GSDME: variants seen among roughly 807,000 people sequenced by gnomAD.
GSDME encodes the protein gasdermin E.
GSDME carries 44 observed loss-of-function variants against 47.5 expected under a neutral mutation model. The observed-to-expected ratio is 0.93, with a 90% confidence interval of 0.73 to 1.19. The LOEUF (loss-of-function observed/expected upper bound fraction) is 1.19, where lower values mean the gene tolerates loss of function less well. Among genes scored for constraint, GSDME ranks in the 50% most tolerant of loss-of-function variants. The pLI is 0.00. For synonymous variants in GSDME, 258 were observed against 252.8 expected, an observed-to-expected ratio of 1.02 and a Z score of -0.20; for missense variants, 663 against 604.2, an observed-to-expected ratio of 1.10 and a Z score of -1.02.
chr7:24,767,277 T>C, the GSDME span, among the ~76,000 whole-genome samples: 1 of 152,112 alleles, frequency 6.6e-6, no homozygotes, highest in East Asian at 1.9e-4. This position sits in a 1 kb window ranked among gnomAD's most constrained non-coding sequence, Gnocchi z 5.3. Flanking sequence ...TGAGCCAAGA[T>C]TGCACCACTG....
At chr7:24,785,475 G>C in the GSDME span, among the ~76,000 whole-genome samples, 1 of 151,694 alleles carries the variant, frequency 6.6e-6, no homozygotes, top group Non-Finnish European at 1.5e-5. Flanking sequence ...TTGTTTTTTT[G>C]AGATGGAGTC....
the GSDME span, among the ~76,000 whole-genome samples, chr7:24,779,498 G>GT: frequency 7.0e-6 from 1 of 143,050 alleles, no homozygotes; most frequent in African/African-American, 2.7e-5. This position sits in a 1 kb window ranked among gnomAD's most constrained non-coding sequence, Gnocchi z 6.0. Flanking sequence ...AGTGATACAT[G>GT]GTGTGTGTGT....
At chr7:24,711,581 G>A (rs928159110) in intron 5 of GSDME, among the ~76,000 whole-genome samples, 3 of 152,066 alleles carry the variant, frequency 2.0e-5, no homozygotes, top group Non-Finnish European at 4.4e-5. Context: ...AACACTTCGG[G>A]AGGCTGAGGC....
chr7:24,744,299 CAT>C lies in GSDME; in HGVS notation c.404+261_404+262del. The C allele has an allele frequency of 2.0e-6, 1 of 506,936 alleles. No individual in the cohort carries two copies. Among genetic ancestry groups the C allele is most frequent in the Non-Finnish European group, 3.6e-6 (1 of 280,098 alleles). 31.4% of individuals were successfully genotyped at this position (506,936 alleles called of 1,614,324 possible). On this transcript the variant is annotated intron_variant, in intron 3 of 9. Transcript: ENST00000645220. This position sits in a 1 kb window ranked among gnomAD's most constrained non-coding sequence, Gnocchi z 4.5. ...TTTTTACCGTTCGCATTTTATAAATCATGTGATTGAAGGAAGTACATATTTGC... is the reference window on the plus strand; with the variant it reads ...TTTTTACCGTTCGCATTTTATAAATCGTGATTGAAGGAAGTACATATTTGC...
At chr7:24,792,908 A>G in the GSDME span, among the ~76,000 whole-genome samples, 1 of 152,176 alleles carries the variant, frequency 6.6e-6, no homozygotes, top group African/African-American at 2.4e-5. Flanking sequence ...TTTTGAGGGA[A>G]AGGAAAGTGG....
In GSDME at chr7:24,726,805, C is replaced by CA. The variant is rs11358953; in HGVS notation, c.405-7588dup. Among the ~76,000 whole-genome samples, 2,579 of 96,688 alleles carry CA rather than the reference C, an allele frequency of 0.027. 74 individuals carry two copies. The highest frequency in any genetic ancestry group is 0.071 in the African/African-American group (2,040 of 28,696). The allele number at this position is 96,688 out of a possible 152,430, so 63.4% of individuals were successfully genotyped here. Reference sequence around the variant, plus strand: ...CGGGGGACAGAGCGAGACTCCGTCTCAAAAAAAAAAAAAAAAAACCAATGG... The same window carrying CA: ...CGGGGGACAGAGCGAGACTCCGTCTCAAAAAAAAAAAAAAAAAAACCAATGG... On this transcript the variant is annotated intron_variant, in intron 3 of 9. Coordinates refer to ENST00000645220, the MANE Select transcript of GSDME (RefSeq NM_001127453.2). The surrounding 1 kb of genome is among the most constrained non-coding windows in gnomAD (Gnocchi z 5.6).
intron 1 of GSDME, 75 bp from the exon 2 acceptor site, chr7:24,749,868 T>A: frequency 3.2e-6 from 3 of 924,456 alleles, no homozygotes; most frequent in Non-Finnish European, 5.2e-6. Context: ...AATTACTGTA[T>A]TTCTCCCTAT....
chr7:24,702,584 T>C, intron 9 of GSDME, 176 bp downstream of exon 9: 2 of 606,322 alleles, frequency 3.3e-6, no homozygotes, highest in Non-Finnish European at 6.3e-6. Flanking sequence ...TGGGTCTCAG[T>C]CTTCCCATGG....
chr7:24,700,509 G>C (rs918818303), intron 9 of GSDME, among the ~76,000 whole-genome samples: 2 of 152,078 alleles, frequency 1.3e-5, no homozygotes, highest in African/African-American at 4.8e-5. Flanking sequence ...AATCTGAAGG[G>C]AATCCAAAAG....
the GSDME span, among the ~76,000 whole-genome samples, chr7:24,765,437 G>A: frequency 2.0e-5 from 3 of 152,150 alleles, no homozygotes; most frequent in Admixed American, 6.5e-5. Flanking sequence ...AGGTTGCTCC[G>A]GGTATAGTGA....
chr7:24,718,343 C>T (rs1584069140), intron 4 of GSDME, among the ~76,000 whole-genome samples: 1 of 152,354 alleles, frequency 6.6e-6, no homozygotes, highest in African/African-American at 2.4e-5. Context: ...GAGTTTGGGG[C>T]TGATGGCCAC....
chr7:24,717,005 G>C, intron 5 of GSDME: 1 of 526,518 alleles, frequency 1.9e-6, no homozygotes, highest in Non-Finnish European at 3.5e-6. Flanking sequence ...CTGTGCTGGT[G>C]GAACTTTGCC....
At chr7:24,779,861 T>C in the GSDME span, among the ~76,000 whole-genome samples, 1 of 152,196 alleles carries the variant, frequency 6.6e-6, no homozygotes, top group Non-Finnish European at 1.5e-5. This position sits in a 1 kb window ranked among gnomAD's most constrained non-coding sequence, Gnocchi z 6.0. Context: ...TCAGCCCCTT[T>C]CTCAGATTGT....
chr7:24,714,109 A>G lies in GSDME; in HGVS notation c.697+3145T>C, dbSNP rs999418399. Among the ~76,000 whole-genome samples the G allele has an allele frequency of 1.3e-5, 2 of 152,258 alleles. No homozygotes were observed. The highest frequency in any genetic ancestry group is 4.8e-5 in the African/African-American group (2 of 41,470). On this transcript the variant is annotated intron_variant, in intron 5 of 9. Transcript: ENST00000645220. The surrounding 1 kb of genome is among the most constrained non-coding windows in gnomAD (Gnocchi z 5.0). ...GACGCTAGCAAATGCCAAGATGTATAAAAGTGCAAGGCAGAAGGTCAAGAG... is the reference window on the plus strand; with the variant it reads ...GACGCTAGCAAATGCCAAGATGTATGAAAGTGCAAGGCAGAAGGTCAAGAG...
At chr7:24,717,459 A>G (rs2128052942) in intron 4 of GSDME, 85 bp from the exon 5 acceptor site, 1 of 1,595,358 alleles carries the variant, frequency 6.3e-7, no homozygotes, top group Non-Finnish European at 8.5e-7. Flanking sequence ...CTCGTGCCTT[A>G]TACATAAGAG....
the GSDME span, among the ~76,000 whole-genome samples, chr7:24,765,365 A>G: frequency 6.6e-6 from 1 of 152,240 alleles, no homozygotes; most frequent in Non-Finnish European, 1.5e-5. Context: ...TAGTTAGAAC[A>G]ATGGGCACTG....
rs1008100194 is a variant in GSDME at position 24,744,653 on chromosome 7, C to T, written c.313G>A (p.Gly105Ser). ...GACTGGCTCTCTACGCGGCTGCTGCCCCCCAGGTTCAGCTTGACCTTCCCC... is the reference window on the plus strand; with the variant it reads ...GACTGGCTCTCTACGCGGCTGCTGCTCCCCAGGTTCAGCTTGACCTTCCCC... ...ALGKVKLNLGGSSRVESQSSF... is the reference protein window; with the variant it reads ...ALGKVKLNLGSSSRVESQSSF... The change falls in exon 3 of 10, where the codon GGC becomes AGC. Residue 105 changes from glycine (G) to serine (S), a missense_variant. Gly to Ser is a moderately conservative substitution (Grantham distance 56). Transcript: ENST00000645220. This position sits in a 1 kb window ranked among gnomAD's most constrained non-coding sequence, Gnocchi z 4.5. The T allele has an allele frequency of 1.2e-6, 2 of 1,614,180 alleles. No homozygotes were observed. The highest frequency in any genetic ancestry group is 1.7e-6 in the Non-Finnish European group (2 of 1,180,044).
intron 3 of GSDME, among the ~76,000 whole-genome samples, chr7:24,741,348 A>G (rs1174815982): frequency 1.3e-5 from 2 of 152,182 alleles, no homozygotes; most frequent in Non-Finnish European, 2.9e-5. Flanking sequence ...CCGAGTCACT[A>G]TGAAAAAGAC....
At chr7:24,769,877 G>A in the GSDME span, among the ~76,000 whole-genome samples, 1 of 152,314 alleles carries the variant, frequency 6.6e-6, no homozygotes, top group East Asian at 1.9e-4. Context: ...ATTAATATGG[G>A]AAAAGTAGAC....
Sources: allele counts gnomAD v4.1 joint callset (sites outside exome capture counted in the v4.1 genomes callset), GRCh38; gene constraint gnomAD v4.1.1; non-coding constraint Gnocchi (gnomAD v3.1); transcripts MANE v1.5; gene names NCBI Gene and HGNC (gene_info 2026-07-23, HGNC 2026-07-21).